LYPD6: variants seen among roughly 807,000 people sequenced by gnomAD.
LYPD6 encodes ly6/PLAUR domain-containing protein 6.
A neutral mutation model predicts 22.7 loss-of-function variants in LYPD6; 15 were observed. That is an observed-to-expected ratio of 0.66 (90% CI 0.44 to 1.02). The LOEUF is 1.02. LYPD6 is among the 50% of genes least tolerant of loss of function. The pLI, the probability that LYPD6 is intolerant of heterozygous loss-of-function variation, is 0.00. For missense variants in LYPD6, 189 were observed against 208.4 expected (o/e 0.91, Z 0.57); for synonymous variants, 72 against 77.5 (o/e 0.93, Z 0.37).
chr2:149,444,632 T>C (rs1683641857), intron 2 of LYPD6, among the ~76,000 whole-genome samples: 2 of 152,152 alleles, frequency 1.3e-5, no homozygotes, highest in African/African-American at 4.8e-5. Context: ...TCACCAGGAG[T>C]AGATTCCATC....
Position 149,442,479 on chromosome 2 carries a change from T to G in LYPD6, c.118+4653T>G, listed in dbSNP as rs996081942. Among the ~76,000 whole-genome samples, 14 of 152,330 alleles carry G rather than the reference T, an allele frequency of 9.2e-5. No individual in the cohort carries two copies. The South Asian group carries it at 2.7e-3, about 29-fold the overall frequency. On this transcript the variant is annotated intron_variant, in intron 2 of 4. Coordinates refer to ENST00000334166, the MANE Select transcript of LYPD6 (RefSeq NM_194317.5). ...CTTCTCTTAAGGGACCAAGGACTTA[T>G]GCCCTGAAATACAGAGTACTGAGCT...
At chr2:149,438,961 C>T (rs1683496051) in intron 2 of LYPD6, among the ~76,000 whole-genome samples, 1 of 152,126 alleles carries the variant, frequency 6.6e-6, no homozygotes, top group African/African-American at 2.4e-5. Flanking sequence ...ATAGGAAATG[C>T]TCAATCAATG....
At chr2:149,456,712 C>T (rs1191782785) in intron 3 of LYPD6, among the ~76,000 whole-genome samples, 1 of 152,184 alleles carries the variant, frequency 6.6e-6, no homozygotes, top group Non-Finnish European at 1.5e-5. Flanking sequence ...AGAAACCAGC[C>T]TTGGCCAACA....
intron 1 of LYPD6, among the ~76,000 whole-genome samples, chr2:149,401,810 C>T (rs553859867): frequency 3.2e-4 from 48 of 152,182 alleles, no homozygotes; most frequent in African/African-American, 1.1e-3. Context: ...GTGCACCCAA[C>T]ACCCGAGTAG....
chr2:149,363,684 T>C (rs754074206), intron 1 of LYPD6, among the ~76,000 whole-genome samples: 1 of 152,154 alleles, frequency 6.6e-6, no homozygotes, highest in African/African-American at 2.4e-5. Flanking sequence ...CTGCTTACCT[T>C]ATGGGGTTAA....
At chr2:149,372,938 A>G (rs1026903812) in intron 1 of LYPD6, among the ~76,000 whole-genome samples, 2 of 152,206 alleles carry the variant, frequency 1.3e-5, no homozygotes, top group African/African-American at 4.8e-5. Context: ...GCTTCATTAC[A>G]GGTCCTCAGT....
chr2:149,367,624 T>G (rs985635983), intron 1 of LYPD6: 6 of 152,188 alleles, frequency 3.9e-5, no homozygotes, highest in African/African-American at 1.4e-4. Flanking sequence ...CTTTTTTTCG[T>G]AGTTAAAATA....
intron 1 of LYPD6, among the ~76,000 whole-genome samples, chr2:149,384,115 T>C (rs545233156): frequency 6.6e-6 from 1 of 152,352 alleles, no homozygotes; most frequent in East Asian, 1.9e-4. Flanking sequence ...TAAATATTTG[T>C]TGACTCACTA....
At chr2:149,399,196 C>T (rs528307613) in intron 1 of LYPD6, among the ~76,000 whole-genome samples, 67 of 151,962 alleles carry the variant, frequency 4.4e-4, no homozygotes, top group Non-Finnish European at 7.2e-4. Context: ...AAAAAAAATA[C>T]ATCTTTTTTT....
At chr2:149,404,525 C>A (rs1682647999) in intron 1 of LYPD6, among the ~76,000 whole-genome samples, 1 of 152,102 alleles carries the variant, frequency 6.6e-6, no homozygotes, top group Non-Finnish European at 1.5e-5. Context: ...CATGATTTGG[C>A]TCTCTGTTTG....
intron 1 of LYPD6, among the ~76,000 whole-genome samples, chr2:149,404,363 G>A (rs1361518559): frequency 1.3e-5 from 2 of 152,168 alleles, no homozygotes; most frequent in African/African-American, 4.8e-5. Flanking sequence ...TCCTACCCAT[G>A]AGCATGGAAT....
rs1049940604 is a variant in LYPD6, at chr2:149,330,662, C to G, written c.-132C>G. ...CGCATTGCACACTCTGGGGGCGCCG[C>G]AGTGTTCGTGGGATGGGGCAGCGGG... On this transcript the variant is annotated 5_prime_UTR_variant, in exon 1 of 5. Transcript: ENST00000334166. 1.3e-5 allele frequency: 2 copies of G among 151,974 alleles called. No individual in the cohort carries two copies. Among genetic ancestry groups the G allele is most frequent in the African/African-American group, 4.8e-5 (2 of 41,402 alleles). 9.4% of individuals were successfully genotyped at this position (151,974 alleles called of 1,614,324 possible).
intron 2 of LYPD6, among the ~76,000 whole-genome samples, chr2:149,442,946 A>G (rs1683601456): frequency 6.6e-6 from 1 of 152,180 alleles, no homozygotes; most frequent in Non-Finnish European, 1.5e-5. Flanking sequence ...TGTAGATTCT[A>G]AAAGAAAACT....
chr2:149,391,295 T>C (rs757055966), intron 1 of LYPD6, among the ~76,000 whole-genome samples: 6 of 152,234 alleles, frequency 3.9e-5, no homozygotes, highest in Non-Finnish European at 7.3e-5. Flanking sequence ...TTAATGTCAC[T>C]GATTTTTTGG....
Position 149,367,209 on chromosome 2 carries a change from G to A in LYPD6, c.-72+36487G>A, listed in dbSNP as rs80113475. Among the ~76,000 whole-genome samples the A allele has an allele frequency of 6.4e-3, 980 of 152,250 alleles. 7 individuals are homozygous for A. The highest frequency in any genetic ancestry group is 0.023 in the African/African-American group (948 of 41,534). The stretch of plus-strand genomic sequence containing the variant: ...AGGGTCTATTACAAGGCTGCAATCG[G>A]TTGTTAGCCAGGACAGGGATCTCAT... On this transcript the variant is annotated intron_variant, in intron 1 of 4. Transcript: ENST00000334166.
chr2:149,389,303 G>T lies in LYPD6; in HGVS notation c.-71-48335G>T, dbSNP rs540672129. Among the ~76,000 whole-genome samples the T allele has an allele frequency of 3.3e-5, 5 of 152,190 alleles. No individual in the cohort carries two copies. In the East Asian group the frequency reaches 9.7e-4, roughly 29 times the overall value. On this transcript the variant is annotated intron_variant, in intron 1 of 4. Coordinates refer to ENST00000334166, the MANE Select transcript of LYPD6 (RefSeq NM_194317.5). ...AGTTATACAGGGTGGGGGAGAGTTG[G>T]GGTAGCTACTCCTGTCTCTCCGAGT... is the stretch of plus-strand genomic sequence containing the variant.
At chr2:149,422,545 A>T (rs1559146766) in intron 1 of LYPD6, among the ~76,000 whole-genome samples, 1 of 152,190 alleles carries the variant, frequency 6.6e-6, no homozygotes, top group African/African-American at 2.4e-5. Context: ...TACATTGTGA[A>T]ATGATTAAAT....
intron 1 of LYPD6, among the ~76,000 whole-genome samples, chr2:149,357,227 A>G (rs1681466272): frequency 1.3e-5 from 2 of 152,218 alleles, no homozygotes; most frequent in African/African-American, 4.8e-5. Context: ...AGAGAGCTTT[A>G]TGAGCTTTAA....
chr2:149,358,841 A>G (rs1239117872), intron 1 of LYPD6, among the ~76,000 whole-genome samples: 3 of 152,076 alleles, frequency 2.0e-5, no homozygotes. Context: ...CACATTAATA[A>G]TTTTAAAAAC....
Sources: gnomAD v4.1 joint callset for allele counts (sites outside exome capture counted in the v4.1 genomes callset) on GRCh38, gnomAD v4.1.1 for gene constraint, MANE v1.5 for transcripts, NCBI Gene and HGNC (gene_info 2026-07-23, HGNC 2026-07-21) for gene names.